The following CELSR3 variants were observed in gnomAD, a reference collection of about 807,000 sequenced individuals.
CELSR3 encodes the protein EGF-like protein 1.
In CELSR3, 73 loss-of-function variants were observed where a neutral mutation model predicts 270.0. The observed-to-expected ratio is 0.27, with a 90% CI of 0.22 to 0.33. The LOEUF is 0.33. CELSR3 is among the 10% of genes least tolerant of loss of function. The pLI is 1.00. For synonymous variants in CELSR3, 1,780 were observed against 1,905.4 expected (o/e 0.93, Z 1.71); for missense variants, 3,614 against 4,533.8 (o/e 0.80, Z 5.83).
In CELSR3 at chr3:48,644,966, A is replaced by G; in HGVS notation, c.7972+69T>C. The G allele has an allele frequency of 6.5e-7, 1 of 1,544,910 alleles. No individual in the cohort carries two copies. Among genetic ancestry groups the G allele is most frequent in the Non-Finnish European group, 8.8e-7 (1 of 1,135,022 alleles). On this transcript the variant is annotated intron_variant, in intron 25 of 34. Transcript: ENST00000164024. This position sits in a 1 kb window ranked among gnomAD's most constrained non-coding sequence, Gnocchi z 4.8. The stretch of plus-strand genomic sequence containing the variant: ...TTGGGGTTTGAGGTTGGGGGTCATG[A>G]GCAGGAGTGGGGACAGGGTCAGGGG...
rs776977294 is a variant in CELSR3 at position 48,641,890 on chromosome 3, G to C, written c.8785C>G (p.Arg2929Gly). 8.3e-6 allele frequency: 13 copies of C among 1,563,450 alleles called. No homozygotes were observed. The highest frequency in any genetic ancestry group is 1.0e-5 in the Non-Finnish European group (12 of 1,155,810). ...TRGRFQRPLC[R>G]AAQSERLLTH... ...AGGAGCCTCTCACTCTGGGCTGCTC[G>C]GCAGAGTGGCCGTTGGAAGCGCCCC... Residue 2929 changes from arginine (R) to glycine (G), a missense_variant, in exon 32 of 35, where the codon CGA becomes GGA. Arg to Gly is a moderately radical substitution (Grantham distance 125). Transcript: ENST00000164024. This position sits in a 1 kb window ranked among gnomAD's most constrained non-coding sequence, Gnocchi z 4.8.
rs1559475213 is a variant in CELSR3, at chr3:48,640,892, AC to A, written c.9026-334del. 2 of 423,684 alleles carry A rather than the reference AC, an allele frequency of 4.7e-6. No homozygotes were observed. Among genetic ancestry groups the A allele is most frequent in the Non-Finnish European group, 4.2e-6 (1 of 237,388 alleles). 26.2% of individuals were successfully genotyped at this position (423,684 alleles called of 1,614,324 possible). A position where few individuals can be genotyped will look rare whatever the true frequency, so the allele number is the denominator to read the frequency against. ...ATGCAGGCCTGGCTGAAATGCAGGA[AC>A]CCCCCGGGTTGGACAGGAGCAGTCC... On this transcript the variant is annotated intron_variant, in intron 33 of 34. Coordinates refer to ENST00000164024, the MANE Select transcript of CELSR3 (RefSeq NM_001407.3). The surrounding 1 kb of genome is among the most constrained non-coding windows in gnomAD (Gnocchi z 7.5).
chr3:48,653,524 AG>A lies in CELSR3; in HGVS notation c.5448+94del. 1 of 1,452,164 alleles carries A rather than the reference AG, an allele frequency of 6.9e-7. No individual in the cohort carries two copies. The highest frequency in any genetic ancestry group is 9.5e-7 in the Non-Finnish European group (1 of 1,057,844). The allele number at this position is 1,452,164 out of a possible 1,614,324, so 90.0% of individuals were successfully genotyped here. ...GTGTGGTTGGGACACCTGGCAGAAAAGTATGCTGTGTGACCAACCTGAACCC... is the reference window on the plus strand; with the variant it reads ...GTGTGGTTGGGACACCTGGCAGAAAATATGCTGTGTGACCAACCTGAACCC... On this transcript the variant is annotated intron_variant, in intron 9 of 34. Transcript: ENST00000164024. This position sits in a 1 kb window ranked among gnomAD's most constrained non-coding sequence, Gnocchi z 6.5.
chr3:48,652,562 A>G lies in CELSR3; in HGVS notation c.5635-9T>C. On this transcript the variant is annotated splice_polypyrimidine_tract_variant and intron_variant, in intron 10 of 34. Transcript: ENST00000164024. The surrounding 1 kb of genome is among the most constrained non-coding windows in gnomAD (Gnocchi z 4.3). ...CCCACCGCCATGGTGTCCTGGAGGA[A>G]GTGGGGCAGTCAGCACTGAGGGAGA... 1.3e-6 allele frequency: 2 copies of G among 1,599,390 alleles called. No homozygotes were observed. Among genetic ancestry groups the G allele is most frequent in the Non-Finnish European group, 1.7e-6 (2 of 1,171,392 alleles).
At position 48,656,878 on chromosome 3, in the gene CELSR3, A is replaced by T; in HGVS notation, c.4219T>A (p.Ser1407Thr). ...DSSAPFLASA[S>T]TLFRPIQPIA... ...GGCTGGATGGGTCGGAACAGCGTGG[A>T]GGCCGAGGCCAGGAAGGGCGCGGAC... Residue 1407 changes from serine to threonine, a missense_variant, in exon 2 of 35, where the codon TCC (serine) becomes ACC (threonine). Transcript: ENST00000164024. 6.2e-7 allele frequency: 1 copy of T among 1,609,592 alleles called. No individual in the cohort carries two copies. Among genetic ancestry groups the T allele is most frequent in the Non-Finnish European group, 8.5e-7 (1 of 1,177,916 alleles).
In CELSR3 at chr3:48,654,254, G is replaced by A. The variant is rs762787913; in HGVS notation, c.5152+35C>T. The A allele has an allele frequency of 1.9e-6, 3 of 1,612,844 alleles. No homozygotes were observed. The highest frequency in any genetic ancestry group is 2.5e-6 in the Non-Finnish European group (3 of 1,179,618). On this transcript the variant is annotated intron_variant, in intron 7 of 34. Coordinates refer to ENST00000164024, the MANE Select transcript of CELSR3 (RefSeq NM_001407.3). This position sits in a 1 kb window ranked among gnomAD's most constrained non-coding sequence, Gnocchi z 5.4. Reference sequence around the variant, plus strand: ...ACTTCCTCCCTATGATGGGGACAGGGCCATGGGCTAGGCTGGTGGAAGCTT... The same window carrying A: ...ACTTCCTCCCTATGATGGGGACAGGACCATGGGCTAGGCTGGTGGAAGCTT...
Position 48,639,716 on chromosome 3 carries a change from G to A in CELSR3, c.9869C>T (p.Ser3290Phe). ...ASVLGPSTPR[S>F]ATSHSISELS... ...CTCCGAGATGCTGTGAGACGTGGCA[G>A]AACGTGGCGTGGAGGGCCCAAGCAC... The change falls in exon 34 of 35, where the codon TCT (serine) becomes TTT (phenylalanine). Residue 3290 changes from serine (S) to phenylalanine (F), a missense_variant. By Grantham distance (155) the Ser-to-Phe change is radical. Coordinates refer to ENST00000164024, the MANE Select transcript of CELSR3 (RefSeq NM_001407.3). This position sits in a 1 kb window ranked among gnomAD's most constrained non-coding sequence, Gnocchi z 4.1. The A allele has an allele frequency of 9.9e-6, 16 of 1,613,720 alleles. No individual in the cohort carries two copies. The highest frequency in any genetic ancestry group is 1.3e-5 in the African/African-American group (1 of 75,066).
In CELSR3 at chr3:48,653,518, C is replaced by T; in HGVS notation, c.5448+101G>A. ...GGTCAAGTGTGGTTGGGACACCTGG[C>T]AGAAAAGTATGCTGTGTGACCAACC... On this transcript the variant is annotated intron_variant, in intron 9 of 34. Transcript: ENST00000164024. The surrounding 1 kb of genome is among the most constrained non-coding windows in gnomAD (Gnocchi z 6.5). The T allele has an allele frequency of 7.1e-7, 1 of 1,413,384 alleles. No individual in the cohort carries two copies. The highest frequency in any genetic ancestry group is 9.8e-7 in the Non-Finnish European group (1 of 1,024,726). The allele number at this position is 1,413,384 out of a possible 1,614,324, so 87.6% of individuals were successfully genotyped here. A position where few individuals can be genotyped will look rare whatever the true frequency, so the allele number is the denominator to read the frequency against.
In CELSR3 at chr3:48,661,489, G is replaced by T. The variant is rs751286855; in HGVS notation, c.1146C>A (p.Ser382Arg). 3 of 1,603,620 alleles carry T rather than the reference G, an allele frequency of 1.9e-6. No homozygotes were observed. The Admixed American group carries it at 5.1e-5, about 27-fold the overall frequency. ...GAGCTGCCGCCGTACGGATAAGGCC[G>T]CTCTGCGGGTCGATGCTGAACAGCT... ...SLELFSIDPQ[S>R]GLIRTAAALD... The change falls in exon 1 of 35, where the codon AGC (serine) becomes AGA (arginine). Residue 382 changes from serine to arginine, a missense_variant. Physicochemically the swap from Ser to Arg is moderately radical, Grantham distance 110 (BLOSUM62 -1). Coordinates refer to ENST00000164024, the MANE Select transcript of CELSR3 (RefSeq NM_001407.3).
Position 48,641,287 on chromosome 3 carries a change from CG to C in CELSR3, c.9025+36del, listed in dbSNP as rs1559475328. The C allele has an allele frequency of 1.5e-6, 2 of 1,357,968 alleles. No homozygotes were observed. The highest frequency in any genetic ancestry group is 2.4e-5 in the South Asian group (2 of 85,056). The allele number at this position is 1,357,968 out of a possible 1,614,324, so 84.1% of individuals were successfully genotyped here. A position where few individuals can be genotyped will look rare whatever the true frequency, so the allele number is the denominator to read the frequency against. ...GGCTCAGGGCATGAGCAGCCCCCAGCGTGTCTGCGGTGTGGGCCAGGGCTCA... is the reference window on the plus strand; with the variant it reads ...GGCTCAGGGCATGAGCAGCCCCCAGCTGTCTGCGGTGTGGGCCAGGGCTCA... On this transcript the variant is annotated intron_variant, in intron 33 of 34. Coordinates refer to ENST00000164024, the MANE Select transcript of CELSR3 (RefSeq NM_001407.3). This position sits in a 1 kb window ranked among gnomAD's most constrained non-coding sequence, Gnocchi z 4.8.
Position 48,642,335 on chromosome 3 carries a change from C to T in CELSR3, c.8665+23G>A. On this transcript the variant is annotated intron_variant, in intron 31 of 34. Coordinates refer to ENST00000164024, the MANE Select transcript of CELSR3 (RefSeq NM_001407.3). This position sits in a 1 kb window ranked among gnomAD's most constrained non-coding sequence, Gnocchi z 6.1. The stretch of plus-strand genomic sequence containing the variant: ...GGAGAGATCCTCTGCCTCCCTCCTC[C>T]CTGCCCCAGGCCCCAACTCCACCAG... 1.9e-6 allele frequency: 3 copies of T among 1,607,072 alleles called. No homozygotes were observed. Among genetic ancestry groups the T allele is most frequent in the Non-Finnish European group, 2.5e-6 (3 of 1,176,548 alleles).
Position 48,659,651 on chromosome 3 carries a change from C to T in CELSR3, c.2984G>A (p.Arg995Gln), listed in dbSNP as rs774391743. Residue 995 changes from arginine to glutamine, a missense_variant, in exon 1 of 35, where the codon CGG becomes CAG. Around this residue, in one of 7 missense-constraint regions of CELSR3, gnomAD observed 1,331 missense variants for 1,933.7 expected, o/e 0.69. Coordinates refer to ENST00000164024, the MANE Select transcript of CELSR3 (RefSeq NM_001407.3). The surrounding 1 kb of genome is among the most constrained non-coding windows in gnomAD (Gnocchi z 8.1). ...ACCATTCTGGAAAGTGTACTGGACC[C>T]GGCCATTGGCATGAGCATCCCGGTC... ...ATDRDAHANG[R>Q]VQYTFQNGED... The T allele has an allele frequency of 1.6e-5, 26 of 1,614,072 alleles. No homozygotes were observed. The highest frequency in any genetic ancestry group is 1.6e-4 in the Middle Eastern group (1 of 6,084).
At chr3:48,638,610 C>T (rs560249417) in intron 34 of CELSR3, among the ~76,000 whole-genome samples, 3 of 149,464 alleles carry the variant, frequency 2.0e-5, no homozygotes, top group Admixed American at 6.6e-5. Context: ...CCTAAGGTCA[C>T]GCAGCTAGTA....
In CELSR3 at chr3:48,653,138, G is replaced by A; in HGVS notation, c.5498C>T (p.Ala1833Val). 1 of 1,613,332 alleles carries A rather than the reference G, an allele frequency of 6.2e-7. No individual in the cohort carries two copies. The highest frequency in any genetic ancestry group is 8.5e-7 in the Non-Finnish European group (1 of 1,180,026). ...CACCTGGTCCAGAAGGAGATGGGAA[G>A]CACGGCCCGAGCCCCTGGTCACTGT... The part of the protein sequence containing the change: ...SVTVTRGSGR[A>V]SHLLLDQVTV... Residue 1833 changes from alanine (A) to valine (V), a missense_variant, in exon 10 of 35, where the codon GCT becomes GTT. Ala to Val is a moderately conservative substitution (Grantham distance 64). Around this residue, in one of 7 missense-constraint regions of CELSR3, gnomAD observed 1,331 missense variants for 1,933.7 expected, o/e 0.69. Coordinates refer to ENST00000164024, the MANE Select transcript of CELSR3 (RefSeq NM_001407.3). The surrounding 1 kb of genome is among the most constrained non-coding windows in gnomAD (Gnocchi z 6.5).
Position 48,644,186 on chromosome 3 carries a change from A to T in CELSR3, c.8165+30T>A. 6.3e-7 allele frequency: 1 copy of T among 1,590,362 alleles called. No homozygotes were observed. The highest frequency in any genetic ancestry group is 1.1e-5 in the South Asian group (1 of 90,482). Reference sequence around the variant, plus strand: ...CCCAGGAGGGACCTGCCATCCTGAGAAGCCCCCTTCCTCCAGCCAGCCAAC... The same window carrying T: ...CCCAGGAGGGACCTGCCATCCTGAGTAGCCCCCTTCCTCCAGCCAGCCAAC... On this transcript the variant is annotated intron_variant, in intron 27 of 34. Transcript: ENST00000164024. This position sits in a 1 kb window ranked among gnomAD's most constrained non-coding sequence, Gnocchi z 4.8.
Position 48,652,379 on chromosome 3 carries a change from C to A in CELSR3, c.5751+58G>T, listed in dbSNP as rs764386134. 624 of 1,374,914 alleles carry A rather than the reference C, an allele frequency of 4.5e-4. 1 individual carries two copies. Among genetic ancestry groups the A allele is most frequent in the Middle Eastern group, 7.1e-4 (4 of 5,622 alleles). The allele number at this position is 1,374,914 out of a possible 1,614,324, so 85.2% of individuals were successfully genotyped here. A position where few individuals can be genotyped will look rare whatever the true frequency, so the allele number is the denominator to read the frequency against. ...ACTGCCTTTCAGGTCCCAAGGAGCC[C>A]CTGACTTCTGACCCCTGACCCTAAT... On this transcript the variant is annotated intron_variant, in intron 11 of 34. Transcript: ENST00000164024. The surrounding 1 kb of genome is among the most constrained non-coding windows in gnomAD (Gnocchi z 4.3).
Position 48,653,128 on chromosome 3 carries a change from G to A in CELSR3, c.5508C>T (p.Leu1836=). Residue 1836 remains leucine, a synonymous_variant, in exon 10 of 35, where the codon CTC becomes CTT. Coordinates refer to ENST00000164024, the MANE Select transcript of CELSR3 (RefSeq NM_001407.3). The surrounding 1 kb of genome is among the most constrained non-coding windows in gnomAD (Gnocchi z 6.5). The stretch of plus-strand genomic sequence containing the variant: ...CACTGACAGTCACCTGGTCCAGAAG[G>A]AGATGGGAAGCACGGCCCGAGCCCC... The part of the protein sequence containing the change: ...VTRGSGRASH[L]LLDQVTVSDG... 6.2e-7 allele frequency: 1 copy of A among 1,613,408 alleles called. No homozygotes were observed.
chr3:48,656,466 G>A, intron 2 of CELSR3, 101 bp from the exon 3 acceptor site: 2 of 1,205,794 alleles, frequency 1.7e-6, no homozygotes, highest in South Asian at 1.8e-5. Context: ...CAAGACCCCC[G>A]AAAGGTCGCC....
chr3:48,642,950 C>T lies in CELSR3; in HGVS notation c.8406+17G>A, dbSNP rs1006777978. 4.4e-6 allele frequency: 7 copies of T among 1,608,744 alleles called. No homozygotes were observed. Among genetic ancestry groups the T allele is most frequent in the African/African-American group, 2.7e-5 (2 of 74,814 alleles). On this transcript the variant is annotated intron_variant, in intron 29 of 34. Transcript: ENST00000164024. The surrounding 1 kb of genome is among the most constrained non-coding windows in gnomAD (Gnocchi z 6.1). ...AGCCTAAAACTCTGGCTTCTCAGGGCCCCCATCCCGACTCACCAGCCCAGG... is the reference window on the plus strand; with the variant it reads ...AGCCTAAAACTCTGGCTTCTCAGGGTCCCCATCCCGACTCACCAGCCCAGG...
Sources: allele counts gnomAD v4.1 joint callset (sites outside exome capture counted in the v4.1 genomes callset), GRCh38; gene constraint gnomAD v4.1.1; regional missense constraint gnomAD v4.1.1; non-coding constraint Gnocchi (gnomAD v3.1); transcripts MANE v1.5; gene names NCBI Gene and HGNC (gene_info 2026-07-23, HGNC 2026-07-21).